NWD2: variants seen among roughly 807,000 people sequenced by gnomAD.
The protein encoded by NWD2 is NACHT and WD repeat domain-containing protein 2.
In NWD2, 37 loss-of-function variants were observed where a neutral mutation model predicts 132.7. That is an observed-to-expected ratio of 0.28 (90% confidence interval 0.21 to 0.37). The LOEUF (loss-of-function observed/expected upper bound fraction) is 0.37, where lower values mean the gene tolerates loss of function less well. Ranked by LOEUF, NWD2 falls within the 10% of genes least tolerant of loss-of-function variation. The probability of loss-of-function intolerance (pLI) is 1.00; values close to 1 mark genes in which losing one functional copy is unlikely to be tolerated. For synonymous variants in NWD2, 705 were observed against 803.0 expected (o/e 0.88, Z 2.06); for missense variants, 1,592 against 2,122.4 (o/e 0.75, Z 4.91).
chr4:37,249,961 A>G (rs1462379720), intron 1 of NWD2, among the ~76,000 whole-genome samples: 1 of 152,198 alleles, frequency 6.6e-6, no homozygotes, highest in Non-Finnish European at 1.5e-5. Flanking sequence ...TGCTACAACT[A>G]GTGCTCAATT....
chr4:37,250,225 T>C (rs1717331702), intron 1 of NWD2, among the ~76,000 whole-genome samples: 1 of 151,986 alleles, frequency 6.6e-6, no homozygotes, highest in African/African-American at 2.4e-5. Context: ...ACCTAAGTTG[T>C]CAGGGGGAAT....
At chr4:37,389,352 A>G (rs1240396828) in intron 3 of NWD2, among the ~76,000 whole-genome samples, 3 of 152,234 alleles carry the variant, frequency 2.0e-5, no homozygotes, top group Non-Finnish European at 4.4e-5. Flanking sequence ...TCTTTTGTAC[A>G]GGTTTAATGT....
intron 2 of NWD2, among the ~76,000 whole-genome samples, chr4:37,326,235 C>A (rs1452584679): frequency 6.6e-6 from 1 of 152,088 alleles, no homozygotes; most frequent in Non-Finnish European, 1.5e-5. Context: ...TTCTTGGACC[C>A]TTCCTGGTAT....
At chr4:37,314,332 C>T (rs889747146) in intron 1 of NWD2, among the ~76,000 whole-genome samples, 1 of 151,982 alleles carries the variant, frequency 6.6e-6, no homozygotes, top group African/African-American at 2.4e-5. Context: ...TGAGTATTCC[C>T]TATTTTCTGA....
chr4:37,423,617 T>C (rs192127602), intron 3 of NWD2, among the ~76,000 whole-genome samples: 6 of 152,328 alleles, frequency 3.9e-5, no homozygotes, highest in Non-Finnish European at 5.9e-5. Context: ...TGTCTTTTTG[T>C]TCTCTTCAGG....
At chr4:37,424,239 G>A (rs944821801) in intron 3 of NWD2, among the ~76,000 whole-genome samples, 3 of 152,174 alleles carry the variant, frequency 2.0e-5, no homozygotes, top group African/African-American at 7.2e-5. Context: ...CAAGGGTACT[G>A]CCTACAAGAG....
chr4:37,383,650 C>CT (rs1720503814), intron 3 of NWD2, among the ~76,000 whole-genome samples: 1 of 152,182 alleles, frequency 6.6e-6, no homozygotes, highest in Admixed American at 6.5e-5. Flanking sequence ...CCTAGGAATT[C>CT]TTTGAGTGTT....
chr4:37,377,688 G>A (rs964361793), intron 3 of NWD2, among the ~76,000 whole-genome samples: 4 of 152,274 alleles, frequency 2.6e-5, no homozygotes, highest in East Asian at 1.9e-4. Context: ...CCGAGATCAC[G>A]CCGTTGCACT....
chr4:37,412,557 C>T (rs1721182168), intron 3 of NWD2, among the ~76,000 whole-genome samples: 2 of 152,134 alleles, frequency 1.3e-5, no homozygotes, highest in Non-Finnish European at 2.9e-5. Context: ...CCATACTACC[C>T]AAAGTAATTT....
At chr4:37,292,310 G>C (rs1186811084) in intron 1 of NWD2, among the ~76,000 whole-genome samples, 1 of 152,116 alleles carries the variant, frequency 6.6e-6, no homozygotes, top group African/African-American at 2.4e-5. Flanking sequence ...TAAGTCATGA[G>C]AACAGAGGCT....
At chr4:37,380,199 G>GA (rs1354520372) in intron 3 of NWD2, among the ~76,000 whole-genome samples, 1 of 152,214 alleles carries the variant, frequency 6.6e-6, no homozygotes, top group Admixed American at 6.5e-5. Flanking sequence ...TACTAGGCTA[G>GA]AAAATTGTAG....
At chr4:37,338,565 G>A (rs897610402) in intron 2 of NWD2, among the ~76,000 whole-genome samples, 3 of 152,186 alleles carry the variant, frequency 2.0e-5, no homozygotes, top group East Asian at 1.9e-4. Flanking sequence ...AATTGGGCAC[G>A]AATCGCCAAC....
At chr4:37,279,833 A>T (rs1275168705) in intron 1 of NWD2, among the ~76,000 whole-genome samples, 7 of 152,218 alleles carry the variant, frequency 4.6e-5, no homozygotes, top group African/African-American at 1.7e-4. Flanking sequence ...AAGTTATGGT[A>T]GAAATCTTTT....
In NWD2 at chr4:37,345,116, A is replaced by T. The variant is rs1719609758; in HGVS notation, c.241-11250A>T. Among the ~76,000 whole-genome samples, 3 of 152,156 alleles carry T rather than the reference A, an allele frequency of 2.0e-5. No homozygotes were observed. In the South Asian group the frequency reaches 6.2e-4, roughly 31 times the overall value. On this transcript the variant is annotated intron_variant, in intron 2 of 6. Transcript: ENST00000309447. Reference sequence around the variant, plus strand: ...TTATGTCTTATTTATTTATCTGTTGATCACTTGATGGACATTTGCAATATT... The same window carrying T: ...TTATGTCTTATTTATTTATCTGTTGTTCACTTGATGGACATTTGCAATATT...
intron 1 of NWD2, among the ~76,000 whole-genome samples, chr4:37,268,147 C>T (rs548444126): frequency 1.3e-5 from 2 of 152,026 alleles, no homozygotes; most frequent in East Asian, 3.9e-4. Context: ...CCTGATTTGC[C>T]AGAAACCTAC....
intron 1 of NWD2, among the ~76,000 whole-genome samples, chr4:37,266,715 C>T (rs73240347): frequency 0.26 from 39,017 of 151,882 alleles, 5,505 homozygotes; most frequent in South Asian, 0.38. Flanking sequence ...TTTTTCTTAA[C>T]TTATATCATT....
chr4:37,367,588 G>A (rs1444743816), intron 3 of NWD2, among the ~76,000 whole-genome samples: 1 of 152,116 alleles, frequency 6.6e-6, no homozygotes, highest in African/African-American at 2.4e-5. Flanking sequence ...ATAAACGGAT[G>A]ATAGGATTTC....
intron 3 of NWD2, among the ~76,000 whole-genome samples, chr4:37,410,683 C>G (rs1721137920): frequency 6.6e-6 from 1 of 152,216 alleles, no homozygotes; most frequent in South Asian, 2.1e-4. Flanking sequence ...CCCAAATCAA[C>G]AGAATGTACA....
chr4:37,332,357 A>T (rs1719312025), intron 2 of NWD2, among the ~76,000 whole-genome samples: 1 of 152,038 alleles, frequency 6.6e-6, no homozygotes, highest in South Asian at 2.1e-4. Context: ...CCACAGTAGG[A>T]TAATGCACTG....
Sources: gnomAD v4.1 joint callset for allele counts (sites outside exome capture counted in the v4.1 genomes callset) on GRCh38, gnomAD v4.1.1 for gene constraint, MANE v1.5 for transcripts, NCBI Gene and HGNC (gene_info 2026-07-23, HGNC 2026-07-21) for gene names.